The following TSPAN5 variants were observed in gnomAD, a reference collection of about 807,000 sequenced individuals.
TSPAN5 encodes the protein tetraspanin-5.
A neutral mutation model predicts 37.1 loss-of-function variants in TSPAN5; 10 were observed. That is an observed-to-expected ratio of 0.27 (90% CI 0.17 to 0.46). TSPAN5 has a LOEUF of 0.46. TSPAN5 is among the 20% of genes least tolerant of loss of function. The pLI, the probability that TSPAN5 is intolerant of heterozygous loss-of-function variation, is 1.00. For synonymous variants in TSPAN5, 110 were observed against 118.9 expected, an observed-to-expected ratio of 0.93 and a Z score of 0.48; for missense variants, 195 against 326.6, an observed-to-expected ratio of 0.60 and a Z score of 3.11.
chr4:98,524,513 G>A (rs569312672), intron 1 of TSPAN5, among the ~76,000 whole-genome samples: 131 of 152,242 alleles, frequency 8.6e-4, no homozygotes, highest in Non-Finnish European at 1.4e-3. Flanking sequence ...AGCCAGTAAC[G>A]TAAATAAGCC....
In TSPAN5 at chr4:98,481,957, C is replaced by T. The variant is rs766700895; in HGVS notation, c.450+48G>A. On this transcript the variant is annotated intron_variant, in intron 4 of 7. Transcript: ENST00000305798. ...CAGGAGGGATGAAATTCACTGGGGT[C>T]ATCGTTCAGAGAACTTTCAACTTGA... is the stretch of plus-strand genomic sequence containing the variant. 3 of 1,590,506 alleles carry T rather than the reference C, an allele frequency of 1.9e-6. No individual in the cohort carries two copies. In the South Asian group the frequency reaches 3.4e-5, roughly 18 times the overall value.
intron 1 of TSPAN5, among the ~76,000 whole-genome samples, chr4:98,520,157 G>A (rs1306818743): frequency 1.4e-4 from 22 of 152,142 alleles, no homozygotes. Context: ...GGGAGATTCA[G>A]AAGAATTAGA....
intron 1 of TSPAN5, among the ~76,000 whole-genome samples, chr4:98,547,778 A>G (rs950521368): frequency 6.6e-6 from 1 of 152,054 alleles, no homozygotes; most frequent in Non-Finnish European, 1.5e-5. Context: ...AAGCCGAGGT[A>G]GACGGATCAC....
In TSPAN5 at chr4:98,599,611, C is replaced by T. The variant is rs77214403; in HGVS notation, c.81+58535G>A. On this transcript the variant is annotated intron_variant, in intron 1 of 7. Coordinates refer to ENST00000305798, the MANE Select transcript of TSPAN5 (RefSeq NM_005723.4). ...TACCCCCATGTCAAACTCCAGAAAA[C>T]CACTGATTTGCTTTCTGTACCTACA... Among the ~76,000 whole-genome samples the T allele has an allele frequency of 5.2e-3, 794 of 152,250 alleles. 8 individuals are homozygous for T. Among genetic ancestry groups the T allele is most frequent in the African/African-American group, 0.018 (737 of 41,536 alleles).
At chr4:98,501,976 G>A (rs1753362194) in intron 2 of TSPAN5, among the ~76,000 whole-genome samples, 1 of 152,154 alleles carries the variant, frequency 6.6e-6, no homozygotes, top group Non-Finnish European at 1.5e-5. Flanking sequence ...TTAGAACAGG[G>A]TATAACAGCG....
chr4:98,579,092 C>T (rs993199234), intron 1 of TSPAN5, among the ~76,000 whole-genome samples: 5 of 152,080 alleles, frequency 3.3e-5, no homozygotes, highest in African/African-American at 1.2e-4. Context: ...CTGTCCTCCC[C>T]ACAAAGCTGT....
chr4:98,539,999 C>T (rs114619963), intron 1 of TSPAN5, among the ~76,000 whole-genome samples: 1 of 151,900 alleles, frequency 6.6e-6, no homozygotes, highest in African/African-American at 2.4e-5. Context: ...TGAAAGTAGA[C>T]CCTGCAGCCC....
chr4:98,632,564 A>G (rs934829881), intron 1 of TSPAN5, among the ~76,000 whole-genome samples: 7 of 152,320 alleles, frequency 4.6e-5, no homozygotes, highest in South Asian at 2.1e-4. Flanking sequence ...GGACCTATGG[A>G]GCACTTCGAA....
chr4:98,628,840 G>A (rs1449793805), intron 1 of TSPAN5, among the ~76,000 whole-genome samples: 1 of 152,140 alleles, frequency 6.6e-6, no homozygotes, highest in African/African-American at 2.4e-5. Flanking sequence ...ATGATACATT[G>A]TACATTGCAG....
intron 1 of TSPAN5, among the ~76,000 whole-genome samples, chr4:98,601,458 C>A (rs914189482): frequency 1.1e-4 from 17 of 152,180 alleles, no homozygotes; most frequent in African/African-American, 3.6e-4. Flanking sequence ...GCTGCTTCAC[C>A]TTGCGCTTTT....
intron 1 of TSPAN5, among the ~76,000 whole-genome samples, chr4:98,581,031 C>A (rs958924256): frequency 6.6e-6 from 1 of 152,064 alleles, no homozygotes; most frequent in African/African-American, 2.4e-5. Context: ...CATTAGAAAC[C>A]CCAGAGTCAA....
At chr4:98,566,093 C>T (rs1195256336) in intron 1 of TSPAN5, among the ~76,000 whole-genome samples, 3 of 152,086 alleles carry the variant, frequency 2.0e-5, no homozygotes, top group Non-Finnish European at 4.4e-5. Flanking sequence ...AACAGCTGTC[C>T]GCCAGGTCTA....
chr4:98,631,629 G>A (rs770981390), intron 1 of TSPAN5, among the ~76,000 whole-genome samples: 1 of 152,094 alleles, frequency 6.6e-6, no homozygotes, highest in Non-Finnish European at 1.5e-5. Context: ...GGCCTGAGAG[G>A]GGCTCTTTAG....
chr4:98,497,645 C>T (rs560045025), intron 2 of TSPAN5, among the ~76,000 whole-genome samples: 4 of 152,294 alleles, frequency 2.6e-5, no homozygotes, highest in South Asian at 2.1e-4. Context: ...ATATGAGACT[C>T]GTTCATTTAT....
chr4:98,524,479 G>A (rs1753919524), intron 1 of TSPAN5, among the ~76,000 whole-genome samples: 2 of 152,190 alleles, frequency 1.3e-5, no homozygotes, highest in Admixed American at 1.3e-4. Flanking sequence ...AGTGCTCCAT[G>A]TCAATCCTAT....
intron 2 of TSPAN5, among the ~76,000 whole-genome samples, chr4:98,505,760 C>T (rs1753465382): frequency 6.6e-6 from 1 of 152,220 alleles, no homozygotes; most frequent in Non-Finnish European, 1.5e-5. Context: ...CAGCACTCAC[C>T]AAACTGGGCT....
chr4:98,565,498 T>TC (rs2110173971), intron 1 of TSPAN5, among the ~76,000 whole-genome samples: 1 of 152,172 alleles, frequency 6.6e-6, no homozygotes, highest in East Asian at 1.9e-4. Context: ...GACAATGTTT[T>TC]CCCATATACA....
chr4:98,610,186 A>G (rs1365459689), intron 1 of TSPAN5, among the ~76,000 whole-genome samples: 1 of 152,202 alleles, frequency 6.6e-6, no homozygotes, highest in Admixed American at 6.5e-5. Context: ...GCATTTGCAA[A>G]GGGCCTTCTT....
intron 1 of TSPAN5, among the ~76,000 whole-genome samples, chr4:98,614,678 C>T (rs1756278898): frequency 6.6e-6 from 1 of 152,196 alleles, no homozygotes; most frequent in African/African-American, 2.4e-5. Flanking sequence ...TAATTATGCT[C>T]TTCATAAGGC....
Sources: allele counts gnomAD v4.1 joint callset (sites outside exome capture counted in the v4.1 genomes callset), GRCh38; gene constraint gnomAD v4.1.1; transcripts MANE v1.5; gene names NCBI Gene and HGNC (gene_info 2026-07-23, HGNC 2026-07-21).